The following GPM6A variants were observed in gnomAD, a reference collection of about 807,000 sequenced individuals.
GPM6A encodes neuronal membrane glycoprotein M6-a.
A neutral mutation model predicts 32.1 loss-of-function variants in GPM6A; 7 were observed. That is an observed-to-expected ratio of 0.22 (90% confidence interval 0.12 to 0.41). The LOEUF (loss-of-function observed/expected upper bound fraction) is 0.41, where lower values mean the gene tolerates loss of function less well. Ranked by LOEUF, GPM6A falls within the 10% of genes least tolerant of loss-of-function variation. The pLI, the probability that GPM6A is intolerant of heterozygous loss-of-function variation, is 1.00. For synonymous variants in GPM6A, 130 were observed against 123.4 expected (o/e 1.05, Z -0.35); for missense variants, 235 against 347.2 (o/e 0.68, Z 2.57).
At chr4:175,913,078 ATGAG>A (rs1412064792) in intron 1 of GPM6A, among the ~76,000 whole-genome samples, 5 of 152,230 alleles carry the variant, frequency 3.3e-5, no homozygotes, top group Non-Finnish European at 7.3e-5. Context: ...ACTCTTCTGC[ATGAG>A]TAAGATTATA....
intron 3 of GPM6A, among the ~76,000 whole-genome samples, chr4:175,659,058 G>A (rs188316160): frequency 6.6e-6 from 1 of 151,668 alleles, no homozygotes; most frequent in Admixed American, 6.6e-5. Context: ...CCTGTCATAT[G>A]AGATAAATTG....
At chr4:175,994,845 T>C (rs1392179415) in intron 1 of GPM6A, among the ~76,000 whole-genome samples, 1 of 152,248 alleles carries the variant, frequency 6.6e-6, no homozygotes, top group Non-Finnish European at 1.5e-5. Flanking sequence ...CTTTCAAAAT[T>C]GGAGTAAATC....
intron 2 of GPM6A, among the ~76,000 whole-genome samples, chr4:175,674,042 A>G (rs1271307191): frequency 6.6e-6 from 1 of 152,210 alleles, no homozygotes; most frequent in Non-Finnish European, 1.5e-5. Flanking sequence ...ATTTGTTGAC[A>G]AGAGATTTAA....
At chr4:175,991,027 A>C (rs1394447141) in intron 1 of GPM6A, among the ~76,000 whole-genome samples, 4 of 151,598 alleles carry the variant, frequency 2.6e-5, no homozygotes, top group Admixed American at 6.6e-5. Flanking sequence ...TAACAAATAA[A>C]ATTTCATTCT....
chr4:175,959,813 G>GT (rs1740109862), intron 1 of GPM6A, among the ~76,000 whole-genome samples: 1 of 152,012 alleles, frequency 6.6e-6, no homozygotes, highest in East Asian at 1.9e-4. Context: ...GTTTTACAAA[G>GT]GGTTATAAAT....
chr4:175,863,215 C>A (rs184365939), intron 1 of GPM6A, among the ~76,000 whole-genome samples: 56 of 152,282 alleles, frequency 3.7e-4, no homozygotes, highest in Non-Finnish European at 7.5e-4. Context: ...CAAGTTTCCT[C>A]ATGCCTCTTT....
intron 1 of GPM6A, among the ~76,000 whole-genome samples, chr4:175,909,546 T>C (rs1579618147): frequency 6.6e-6 from 1 of 152,192 alleles, no homozygotes; most frequent in East Asian, 1.9e-4. Context: ...CCGTGATTCC[T>C]ACCTTCCATC....
intron 1 of GPM6A, among the ~76,000 whole-genome samples, chr4:175,926,854 C>T (rs922490558): frequency 2.0e-5 from 3 of 152,072 alleles, no homozygotes; most frequent in African/African-American, 7.2e-5. Context: ...ATAAATTGAA[C>T]GTAGAGTCAG....
intron 1 of GPM6A, among the ~76,000 whole-genome samples, chr4:175,942,894 G>GT (rs901914542): frequency 1.4e-4 from 21 of 151,280 alleles, no homozygotes; most frequent in South Asian, 1.0e-3. Flanking sequence ...ATTTAAAGTA[G>GT]TTTTTTTTTC....
chr4:175,777,732 A>G (rs537499491), intron 1 of GPM6A, among the ~76,000 whole-genome samples: 1 of 152,240 alleles, frequency 6.6e-6, no homozygotes, highest in South Asian at 2.1e-4. Flanking sequence ...TTGAGAAACT[A>G]TAATTTTCAA....
chr4:175,830,810 GT>G (rs200012528), intron 1 of GPM6A, among the ~76,000 whole-genome samples: 31 of 143,988 alleles, frequency 2.2e-4, no homozygotes, highest in East Asian at 4.1e-4. Flanking sequence ...CATTATTTCT[GT>G]TTTTTTTTTC....
At chr4:175,893,347 A>G (rs1316477343) in intron 1 of GPM6A, among the ~76,000 whole-genome samples, 2 of 152,356 alleles carry the variant, frequency 1.3e-5, no homozygotes, top group African/African-American at 4.8e-5. Context: ...CAACTATTCA[A>G]TGATCAGCGT....
intron 1 of GPM6A, among the ~76,000 whole-genome samples, chr4:175,991,890 C>T (rs1468136594): frequency 6.6e-6 from 1 of 152,080 alleles, no homozygotes; most frequent in Admixed American, 6.5e-5. Context: ...GAGCAAACAT[C>T]ATTTCTAGAA....
At chr4:175,793,459 C>A (rs368799834) in intron 1 of GPM6A, among the ~76,000 whole-genome samples, 2 of 152,096 alleles carry the variant, frequency 1.3e-5, no homozygotes, top group African/African-American at 4.8e-5. Flanking sequence ...TCACTGCAAC[C>A]TCTGCCTCCC....
intron 1 of GPM6A, among the ~76,000 whole-genome samples, chr4:175,702,853 T>G (rs998040327): frequency 2.3e-4 from 35 of 152,308 alleles, no homozygotes; most frequent in African/African-American, 7.2e-4. Flanking sequence ...TTTTTGACTC[T>G]TTTGACTTCA....
At chr4:175,989,722 A>G (rs932129219) in intron 1 of GPM6A, among the ~76,000 whole-genome samples, 11 of 152,130 alleles carry the variant, frequency 7.2e-5, no homozygotes, top group Non-Finnish European at 1.6e-4. Flanking sequence ...TATTTCCTTT[A>G]TAGTGAATCA....
intron 1 of GPM6A, among the ~76,000 whole-genome samples, chr4:175,829,300 A>G (rs1372771454): frequency 6.6e-6 from 1 of 152,214 alleles, no homozygotes. Flanking sequence ...AGTTATAACC[A>G]TAATCATATC....
chr4:175,742,257 C>G (rs1329657242), intron 1 of GPM6A, among the ~76,000 whole-genome samples: 1 of 151,992 alleles, frequency 6.6e-6, no homozygotes, highest in Admixed American at 6.6e-5. Context: ...AATTCCTTCT[C>G]CTTTATGGTG....
At chr4:175,887,733 A>C (rs953228027) in intron 1 of GPM6A, among the ~76,000 whole-genome samples, 1 of 151,916 alleles carries the variant, frequency 6.6e-6, no homozygotes, top group Non-Finnish European at 1.5e-5. Context: ...AATAAAAAAC[A>C]CTAAAAATAA....
Sources: gnomAD v4.1 joint callset for allele counts (sites outside exome capture counted in the v4.1 genomes callset) on GRCh38, gnomAD v4.1.1 for gene constraint, MANE v1.5 for transcripts, NCBI Gene and HGNC (gene_info 2026-07-23, HGNC 2026-07-21) for gene names.